The following MMP1 variants were observed in gnomAD, a reference collection of about 807,000 sequenced individuals.
MMP1 encodes interstitial collagenase.
Under a neutral mutation model 49.6 loss-of-function variants are expected in MMP1, and 51 were observed. The observed-to-expected ratio is 1.03, with a 90% CI of 0.82 to 1.30. The LOEUF is 1.30. Ranked by LOEUF, MMP1 falls within the 50% of genes most tolerant of loss-of-function variation. MMP1 has a pLI of 0.00. For missense variants in MMP1, 623 were observed against 568.7 expected (o/e 1.10, Z -0.97); for synonymous variants, 230 against 196.8 (o/e 1.17, Z -1.41).
intron 5 of MMP1, 34 bp downstream of exon 5, chr11:102,795,417 AG>A: frequency 6.2e-7 from 1 of 1,608,786 alleles, no homozygotes; most frequent in Non-Finnish European, 8.5e-7. Flanking sequence ...AAAGACCACC[AG>A]GCCCTTGTCC....
At position 102,798,142 on chromosome 11, in the gene MMP1, C is replaced by A. The variant is rs1355034924; in HGVS notation, c.-50G>T. Reference sequence around the variant, plus strand: ...TGCAAGGTAAGTGATGGCTTCCCAGCCTCTTGCTGCTCCAATATCCCAGCT... The same window carrying A: ...TGCAAGGTAAGTGATGGCTTCCCAGACTCTTGCTGCTCCAATATCCCAGCT... On this transcript the variant is annotated 5_prime_UTR_variant, in exon 1 of 10. Transcript: ENST00000315274. 6.8e-7 allele frequency: 1 copy of A among 1,468,658 alleles called. No homozygotes were observed. 91.0% of individuals were successfully genotyped at this position (1,468,658 alleles called of 1,614,324 possible).
chr11:102,797,128 C>A lies in MMP1; in HGVS notation c.385G>T (p.Asp129Tyr), dbSNP rs1156579122. ...GCTTTCTCAATGGCATGGTCCACAT[C>A]TGCTCTTGGCAAATCTGGCGTGTAA... The part of the protein sequence containing the change: ...ENYTPDLPRA[D>Y]VDHAIEKAFQ... Residue 129 changes from aspartate to tyrosine, a missense_variant, in exon 3 of 10, where the codon GAT becomes TAT. Physicochemically the swap from Asp to Tyr is radical, Grantham distance 160 (BLOSUM62 -3). Transcript: ENST00000315274. The A allele has an allele frequency of 4.3e-6, 7 of 1,614,202 alleles. No individual in the cohort carries two copies. In the Admixed American group the frequency reaches 1.2e-4, roughly 27 times the overall value.
At chr11:102,795,861 C>T (rs1858173705) in intron 4 of MMP1, among the ~76,000 whole-genome samples, 1 of 152,182 alleles carries the variant, frequency 6.6e-6, no homozygotes, top group Non-Finnish European at 1.5e-5. Context: ...TGAAAGCGCA[C>T]CACAGATTAA....
At chr11:102,792,515 A>T in intron 7 of MMP1, 90 bp downstream of exon 7, 2 of 1,301,028 alleles carry the variant, frequency 1.5e-6, no homozygotes, top group Non-Finnish European at 2.1e-6. Flanking sequence ...AAGTCCCTGG[A>T]GAGAATGTAG....
At chr11:102,797,888 C>T in intron 1 of MMP1, 100 bp downstream of exon 1, 1 of 854,240 alleles carries the variant, frequency 1.2e-6, no homozygotes, top group Non-Finnish European at 1.7e-6. Flanking sequence ...AAAAAAAAAT[C>T]TCTTTATAAG....
chr11:102,791,587 G>A (rs758482777), intron 7 of MMP1, 92 bp from the exon 8 acceptor site: 10 of 1,359,264 alleles, frequency 7.4e-6, no homozygotes, highest in African/African-American at 2.9e-5. Context: ...TCACATGCTA[G>A]TGCAGTACCC....
chr11:102,793,176 G>A (rs563532388), intron 6 of MMP1: 2 of 152,542 alleles, frequency 1.3e-5, no homozygotes, highest in South Asian at 4.1e-4. Context: ...CTGGAGTGTA[G>A]TGGTACAATC....
At position 102,794,005 on chromosome 11, in the gene MMP1, G is replaced by C. The variant is rs564384972; in HGVS notation, c.899+1169C>G. Among the ~76,000 whole-genome samples the C allele has an allele frequency of 3.3e-5, 5 of 152,258 alleles. No homozygotes were observed. Among genetic ancestry groups the C allele is most frequent in the Admixed American group, 3.3e-4 (5 of 15,294 alleles). Reference sequence around the variant, plus strand: ...CTCCTCGACATGGCGACATTTAAATGATCTCTGTGTCCTTTCAATTCTGGC... The same window carrying C: ...CTCCTCGACATGGCGACATTTAAATCATCTCTGTGTCCTTTCAATTCTGGC... On this transcript the variant is annotated intron_variant, in intron 6 of 9. Transcript: ENST00000315274. The surrounding 1 kb of genome is among the most constrained non-coding windows in gnomAD (Gnocchi z 4.3).
Position 102,794,287 on chromosome 11 carries a change from G to C in MMP1, c.899+887C>G, listed in dbSNP as rs990423645. Among the ~76,000 whole-genome samples the C allele has an allele frequency of 1.3e-5, 2 of 152,210 alleles. No individual in the cohort carries two copies. The highest frequency in any genetic ancestry group is 4.8e-5 in the African/African-American group (2 of 41,450). On this transcript the variant is annotated intron_variant, in intron 6 of 9. Coordinates refer to ENST00000315274, the MANE Select transcript of MMP1 (RefSeq NM_002421.4). This position sits in a 1 kb window ranked among gnomAD's most constrained non-coding sequence, Gnocchi z 4.3. ...AGTAAAACAGTGCCACAGCACTTGA[G>C]AGGCTGCAGAGAATGAGCCTTTCAG...
In MMP1 at chr11:102,797,118, T is replaced by A. The variant is rs750555663; in HGVS notation, c.395A>T (p.His132Leu). Residue 132 changes from histidine to leucine, a missense_variant, in exon 3 of 10, where the codon CAT becomes CTT. Transcript: ENST00000315274. Reference protein sequence around the residue: ...TPDLPRADVDHAIEKAFQLWS... With the variant: ...TPDLPRADVDLAIEKAFQLWS... ...GAGTTGGAAGGCTTTCTCAATGGCA[T>A]GGTCCACATCTGCTCTTGGCAAATC... 6.2e-7 allele frequency: 1 copy of A among 1,614,200 alleles called. No homozygotes were observed. The highest frequency in any genetic ancestry group is 8.5e-7 in the Non-Finnish European group (1 of 1,180,026).
chr11:102,795,067 T>C (rs894449368), intron 6 of MMP1, 107 bp downstream of exon 6: 1 of 932,350 alleles, frequency 1.1e-6, no homozygotes, highest in Non-Finnish European at 1.7e-6. Context: ...TGATTATAGA[T>C]GTAAATCAGC....
chr11:102,796,691 C>T lies in MMP1; in HGVS notation c.598G>A (p.Asp200Asn), dbSNP rs1858200386. The T allele has an allele frequency of 1.9e-6, 3 of 1,613,932 alleles. No homozygotes were observed. Among genetic ancestry groups the T allele is most frequent in the Non-Finnish European group, 2.5e-6 (3 of 1,179,914 alleles). ...CTGAAATTGTTGGTCCACCTTTCAT[C>T]TTCATCAAAATGAGCATCCCCTCCA... Reference protein sequence around the residue: ...GIGGDAHFDEDERWTNNFREY... With the variant: ...GIGGDAHFDENERWTNNFREY... The change falls in exon 4 of 10, where the codon GAT (aspartate) becomes AAT (asparagine). Residue 200 changes from aspartate to asparagine, a missense_variant. Coordinates refer to ENST00000315274, the MANE Select transcript of MMP1 (RefSeq NM_002421.4).
At chr11:102,796,306 T>G (rs1021949873) in intron 4 of MMP1, among the ~76,000 whole-genome samples, 8 of 152,360 alleles carry the variant, frequency 5.3e-5, no homozygotes, top group Non-Finnish European at 7.3e-5. Context: ...CTGGAAATTT[T>G]GGAAAACACA....
chr11:102,797,230 C>G, intron 2 of MMP1, 26 bp downstream of exon 2: 8 of 1,613,790 alleles, frequency 5.0e-6, no homozygotes, highest in Non-Finnish European at 5.9e-6. Flanking sequence ...AAATAGCTCT[C>G]TCACTCTGGC....
At position 102,797,169 on chromosome 11, in the gene MMP1, A is replaced by T; in HGVS notation, c.351-7T>A. ...TGGCGTGTAATTTTCAATCCTTAGA[A>T]TGAAACAAAATAGAGACACATTGGA... On this transcript the variant is annotated splice_polypyrimidine_tract_variant and splice_region_variant and intron_variant, in intron 2 of 9. Coordinates refer to ENST00000315274, the MANE Select transcript of MMP1 (RefSeq NM_002421.4). The T allele has an allele frequency of 6.2e-7, 1 of 1,613,958 alleles. No homozygotes were observed. Among genetic ancestry groups the T allele is most frequent in the Non-Finnish European group, 8.5e-7 (1 of 1,179,890 alleles).
At chr11:102,795,048 G>A in intron 6 of MMP1, 126 bp downstream of exon 6, 1 of 815,164 alleles carries the variant, frequency 1.2e-6, no homozygotes. Context: ...GCATGTGGTT[G>A]CTACCATGTG....
chr11:102,791,419 G>A lies in MMP1; in HGVS notation c.1110C>T (p.Phe370=), dbSNP rs539611042. Residue 370 remains phenylalanine (F), a synonymous_variant, in exon 8 of 10, where the codon TTC becomes TTT. Transcript: ENST00000315274. ...YPKDIYSSFG[F]PRTVKHIDAA... Reference sequence around the variant, plus strand: ...CATCGATATGCTTCACAGTTCTAGGGAAGCCAAAGGAGCTGTAGATGTCCT... The same window carrying A: ...CATCGATATGCTTCACAGTTCTAGGAAAGCCAAAGGAGCTGTAGATGTCCT... 32 of 1,614,046 alleles carry A rather than the reference G, an allele frequency of 2.0e-5. No homozygotes were observed. In the South Asian group the frequency reaches 3.3e-4, roughly 17 times the overall value.
At position 102,790,848 on chromosome 11, in the gene MMP1, CAT is replaced by C. The variant is rs17885441; in HGVS notation, c.1197-44_1197-43del. ...TAAGAGTGTCAGACCTTTTGCTAAACATGTGCACTCTGAAAATCATTACAGAA... is the reference window on the plus strand; with the variant it reads ...TAAGAGTGTCAGACCTTTTGCTAAACGTGCACTCTGAAAATCATTACAGAA... On this transcript the variant is annotated intron_variant, in intron 8 of 9. Coordinates refer to ENST00000315274, the MANE Select transcript of MMP1 (RefSeq NM_002421.4). The C allele has an allele frequency of 5.6e-3, 5,846 of 1,042,420 alleles. 221 individuals carry two copies. The African/African-American group carries it at 0.082, about 15-fold the overall frequency. 64.6% of individuals were successfully genotyped at this position (1,042,420 alleles called of 1,614,324 possible).
chr11:102,797,613 A>T, intron 1 of MMP1, 113 bp from the exon 2 acceptor site: 1 of 1,344,494 alleles, frequency 7.4e-7, no homozygotes, highest in Non-Finnish European at 1.0e-6. Context: ...CCTTGTGTTT[A>T]GATTTCGCAG....
Sources: allele counts gnomAD v4.1 joint callset (sites outside exome capture counted in the v4.1 genomes callset), GRCh38; gene constraint gnomAD v4.1.1; non-coding constraint Gnocchi (gnomAD v3.1); transcripts MANE v1.5; gene names NCBI Gene and HGNC (gene_info 2026-07-23, HGNC 2026-07-21).